The following DLGAP2 variants were observed in gnomAD, a reference collection of about 807,000 sequenced individuals.
The protein encoded by DLGAP2 is disks large-associated protein 2.
In DLGAP2, 26 loss-of-function variants were observed where a neutral mutation model predicts 100.3. That is an observed-to-expected ratio of 0.26 (90% CI 0.19 to 0.36). DLGAP2 has a LOEUF of 0.36. Ranked by LOEUF, DLGAP2 falls within the 10% of genes least tolerant of loss-of-function variation. DLGAP2 has a pLI of 1.00. For missense variants in DLGAP2, 1,858 were observed against 1,453.2 expected, an observed-to-expected ratio of 1.28 and a Z score of -4.53; for synonymous variants, 886 against 630.1, an observed-to-expected ratio of 1.41 and a Z score of -6.08.
At chr8:1,479,721 T>G (rs2130239875) in intron 3 of DLGAP2, among the ~76,000 whole-genome samples, 1 of 152,304 alleles carries the variant, frequency 6.6e-6, no homozygotes, top group South Asian at 2.1e-4. Context: ...ATAGTTGATT[T>G]CAAGGTAGTC....
chr8:900,669 G>T (rs548253936), intron 1 of DLGAP2, among the ~76,000 whole-genome samples: 2 of 152,164 alleles, frequency 1.3e-5, no homozygotes, highest in African/African-American at 4.8e-5. Flanking sequence ...AGGAGCTGGC[G>T]TTAAATCCAT....
At chr8:1,561,656 G>A (rs1284715748) in intron 5 of DLGAP2, among the ~76,000 whole-genome samples, 1 of 152,310 alleles carries the variant, frequency 6.6e-6, no homozygotes, top group Non-Finnish European at 1.5e-5. Context: ...TGACCCACAG[G>A]GGCCTGCGGG....
intron 1 of DLGAP2, among the ~76,000 whole-genome samples, chr8:746,963 G>A (rs914651527): frequency 1.3e-5 from 2 of 152,168 alleles, no homozygotes; most frequent in African/African-American, 4.8e-5. Flanking sequence ...AAACCTTACT[G>A]TGAGTTCTCG....
At chr8:896,303 T>C (rs1209954529) in intron 1 of DLGAP2, among the ~76,000 whole-genome samples, 1 of 151,434 alleles carries the variant, frequency 6.6e-6, no homozygotes, top group East Asian at 1.9e-4. Flanking sequence ...GGGATGCAGG[T>C]TTGGAGGAGA....
intron 2 of DLGAP2, among the ~76,000 whole-genome samples, chr8:979,004 G>A (rs1261062010): frequency 1.3e-5 from 2 of 152,082 alleles, no homozygotes; most frequent in African/African-American, 4.8e-5. Context: ...GGAAGCTTGG[G>A]TCACTCCCCA....
At chr8:1,606,434 C>T (rs144989415) in intron 6 of DLGAP2, among the ~76,000 whole-genome samples, 26 of 152,204 alleles carry the variant, frequency 1.7e-4, no homozygotes, top group African/African-American at 6.3e-4. Context: ...CAACCCCTGG[C>T]AACCACGAAC....
chr8:1,271,876 G>A (rs1466566382), intron 3 of DLGAP2, among the ~76,000 whole-genome samples: 1 of 152,168 alleles, frequency 6.6e-6, no homozygotes, highest in Non-Finnish European at 1.5e-5. Context: ...GTTCAGTGGT[G>A]CAACCTCAGC....
intron 3 of DLGAP2, among the ~76,000 whole-genome samples, chr8:1,332,260 ATG>A (rs1301149926): frequency 6.6e-6 from 1 of 151,962 alleles, no homozygotes; most frequent in Non-Finnish European, 1.5e-5. Flanking sequence ...GCATGTGTAT[ATG>A]TGTTTATATA....
chr8:875,629 A>G (rs1255772378), intron 1 of DLGAP2, among the ~76,000 whole-genome samples: 1 of 152,166 alleles, frequency 6.6e-6, no homozygotes, highest in African/African-American at 2.4e-5. Flanking sequence ...TTTCTTTATA[A>G]ATTACCCAGT....
intron 1 of DLGAP2, among the ~76,000 whole-genome samples, chr8:759,480 C>T (rs1021235539): frequency 4.6e-5 from 7 of 151,486 alleles, no homozygotes; most frequent in Admixed American, 2.6e-4. Context: ...ACCAGCACTC[C>T]GGAGTCCACG....
chr8:1,481,791 T>C (rs1799104729), intron 3 of DLGAP2, among the ~76,000 whole-genome samples: 1 of 152,200 alleles, frequency 6.6e-6, no homozygotes, highest in South Asian at 2.1e-4. Context: ...TTTTATTTTC[T>C]AAGACATGAG....
chr8:1,082,525 G>A lies in DLGAP2; in HGVS notation c.73+174559G>A, dbSNP rs182808185. On this transcript the variant is annotated intron_variant, in intron 2 of 14. Transcript: ENST00000637795. ...TCATGCACAATTAAACTCAGAAGGA[G>A]AGGCACACGCCTCGGAACACACATG... Among the ~76,000 whole-genome samples, 3 of 152,320 alleles carry A rather than the reference G, an allele frequency of 2.0e-5. No individual in the cohort carries two copies. In the East Asian group the frequency reaches 5.8e-4, roughly 29 times the overall value.
chr8:849,384 T>C (rs1797138329), intron 1 of DLGAP2, among the ~76,000 whole-genome samples: 1 of 152,216 alleles, frequency 6.6e-6, no homozygotes, highest in East Asian at 1.9e-4. Flanking sequence ...GTTCTGGCAG[T>C]GATGAATGAA....
At chr8:896,594 C>T (rs908595683) in intron 1 of DLGAP2, among the ~76,000 whole-genome samples, 22 of 151,918 alleles carry the variant, frequency 1.4e-4, no homozygotes, top group African/African-American at 3.9e-4. Context: ...GCGATGACGG[C>T]GAGGTGTAGT....
At chr8:759,562 C>T (rs1157602551) in intron 1 of DLGAP2, among the ~76,000 whole-genome samples, 2 of 150,978 alleles carry the variant, frequency 1.3e-5, no homozygotes, top group Admixed American at 1.3e-4. Context: ...GTGTGTCCAG[C>T]ACTCCAGAGT....
chr8:1,600,604 C>G (rs1345291027), intron 6 of DLGAP2, among the ~76,000 whole-genome samples: 1 of 152,156 alleles, frequency 6.6e-6, no homozygotes, highest in African/African-American at 2.4e-5. Flanking sequence ...CTTGTCTTCA[C>G]ACTTTATTTT....
At chr8:1,439,993 CCA>C (rs1010715039) in intron 3 of DLGAP2, among the ~76,000 whole-genome samples, 36 of 152,240 alleles carry the variant, frequency 2.4e-4, no homozygotes, top group African/African-American at 7.2e-4. Context: ...GTCACCAGAG[CCA>C]CACTCTAGTA....
At chr8:782,577 C>G (rs1026897839) in intron 1 of DLGAP2, among the ~76,000 whole-genome samples, 3 of 152,086 alleles carry the variant, frequency 2.0e-5, no homozygotes, top group African/African-American at 7.2e-5. Flanking sequence ...AATTGAAAAG[C>G]AAATGGGGGT....
chr8:1,501,219 G>A (rs997458891), intron 3 of DLGAP2, 147 bp from the exon 4 acceptor site: 1 of 793,306 alleles, frequency 1.3e-6, no homozygotes, highest in Non-Finnish European at 2.0e-6. Context: ...ACAAAATGCT[G>A]GGCTCTGAGC....
Sources: gnomAD v4.1 joint callset for allele counts (sites outside exome capture counted in the v4.1 genomes callset) on GRCh38, gnomAD v4.1.1 for gene constraint, MANE v1.5 for transcripts, NCBI Gene and HGNC (gene_info 2026-07-23, HGNC 2026-07-21) for gene names.